ARHGAP42: variants seen among roughly 807,000 people sequenced by gnomAD.
The protein encoded by ARHGAP42 is rho GTPase-activating protein 42.
Under a neutral mutation model 125.0 loss-of-function variants are expected in ARHGAP42, and 63 were observed. That is an observed-to-expected ratio of 0.50 (90% CI 0.41 to 0.62). The LOEUF (loss-of-function observed/expected upper bound fraction) is 0.62. Among genes scored for constraint, ARHGAP42 ranks in the 20% least tolerant of loss-of-function variants. The pLI is 0.00. For missense variants in ARHGAP42, 766 were observed against 1,024.2 expected (o/e 0.75, Z 3.44); for synonymous variants, 339 against 351.0 (o/e 0.97, Z 0.38).
intron 2 of ARHGAP42, among the ~76,000 whole-genome samples, chr11:100,783,395 C>T (rs1288873851): frequency 6.6e-6 from 1 of 152,200 alleles, no homozygotes; most frequent in East Asian, 1.9e-4. Context: ...GAGATCACAC[C>T]ACTGCACTCT....
intron 4 of ARHGAP42, among the ~76,000 whole-genome samples, chr11:100,866,062 T>C (rs537506463): frequency 2.6e-5 from 4 of 152,388 alleles, no homozygotes; most frequent in African/African-American, 7.2e-5. Flanking sequence ...TGCTTCTGCC[T>C]TATCACGTAA....
At chr11:100,837,268 A>T (rs1864810551) in intron 3 of ARHGAP42, among the ~76,000 whole-genome samples, 1 of 152,154 alleles carries the variant, frequency 6.6e-6, no homozygotes, top group Non-Finnish European at 1.5e-5. Context: ...CCAAATTAGG[A>T]AGTTTAACAC....
intron 1 of ARHGAP42, among the ~76,000 whole-genome samples, chr11:100,688,833 C>T (rs1011373046): frequency 3.9e-5 from 6 of 152,030 alleles, no homozygotes; most frequent in Non-Finnish European, 8.8e-5. Context: ...GAAATGAAGC[C>T]GTGGAATCTC....
intron 5 of ARHGAP42, among the ~76,000 whole-genome samples, chr11:100,921,224 TATATATATATATATATATA>T (rs1867242618): frequency 1.1e-3 from 96 of 83,618 alleles, no homozygotes; most frequent in African/African-American, 4.4e-3. Flanking sequence ...CATATATATA[TATATATATATATATATATA>T]TATTTTTTTT....
At chr11:100,934,023 G>A (rs1867658901) in intron 7 of ARHGAP42, among the ~76,000 whole-genome samples, 1 of 152,100 alleles carries the variant, frequency 6.6e-6, no homozygotes, top group African/African-American at 2.4e-5. Flanking sequence ...CCGACCTCAG[G>A]TGATCCACCC....
At chr11:100,960,611 T>C (rs568323285) in intron 13 of ARHGAP42, among the ~76,000 whole-genome samples, 1 of 152,200 alleles carries the variant, frequency 6.6e-6, no homozygotes, top group African/African-American at 2.4e-5. Flanking sequence ...TCTGAAGAAA[T>C]AGAATATGAG....
intron 2 of ARHGAP42, among the ~76,000 whole-genome samples, chr11:100,777,414 A>C (rs930812311): frequency 6.6e-6 from 1 of 152,198 alleles, no homozygotes; most frequent in African/African-American, 2.4e-5. Context: ...AATTTTTTCA[A>C]GGGAGTGGTT....
chr11:100,920,464 A>G (rs1867207074), intron 5 of ARHGAP42, among the ~76,000 whole-genome samples: 1 of 152,080 alleles, frequency 6.6e-6, no homozygotes, highest in Admixed American at 6.6e-5. Context: ...CACCATTATA[A>G]ATGGCTTCAA....
intron 1 of ARHGAP42, among the ~76,000 whole-genome samples, chr11:100,719,146 A>T (rs1294630446): frequency 6.6e-6 from 1 of 152,224 alleles, no homozygotes; most frequent in Non-Finnish European, 1.5e-5. Flanking sequence ...AGATAAATTT[A>T]AAAATGTCAG....
At chr11:100,805,964 A>G (rs969312063) in intron 3 of ARHGAP42, among the ~76,000 whole-genome samples, 1 of 151,820 alleles carries the variant, frequency 6.6e-6, no homozygotes, top group Admixed American at 6.6e-5. Flanking sequence ...GCCAACCTTC[A>G]CTCCTCATCC....
chr11:100,988,631 A>G, intron 23 of ARHGAP42, 82 bp from the exon 24 acceptor site: 2 of 1,136,288 alleles, frequency 1.8e-6, no homozygotes, highest in Non-Finnish European at 2.5e-6. Flanking sequence ...TGACAATCCG[A>G]TGTGGGTGTT....
intron 1 of ARHGAP42, among the ~76,000 whole-genome samples, chr11:100,712,299 A>T (rs1207763143): frequency 6.6e-6 from 1 of 152,214 alleles, no homozygotes; most frequent in African/African-American, 2.4e-5. Context: ...ATTAGAAATG[A>T]CTTAAGTGAT....
intron 5 of ARHGAP42, among the ~76,000 whole-genome samples, chr11:100,914,225 G>A (rs1440397761): frequency 6.6e-6 from 1 of 152,070 alleles, no homozygotes; most frequent in Non-Finnish European, 1.5e-5. Context: ...ATGAACCACT[G>A]TGCCCCACCG....
At chr11:100,793,961 T>C (rs942884249) in intron 2 of ARHGAP42, among the ~76,000 whole-genome samples, 1 of 151,448 alleles carries the variant, frequency 6.6e-6, no homozygotes, top group Non-Finnish European at 1.5e-5. Context: ...TACACGCCTG[T>C]AGTCTTAGGT....
chr11:100,882,935 A>G (rs1865995692), intron 4 of ARHGAP42, among the ~76,000 whole-genome samples: 1 of 152,068 alleles, frequency 6.6e-6, no homozygotes. Flanking sequence ...TATTTCTGTC[A>G]TGTCTGTCAA....
intron 6 of ARHGAP42, among the ~76,000 whole-genome samples, chr11:100,928,869 G>A (rs546156707): frequency 2.0e-4 from 30 of 152,138 alleles, no homozygotes; most frequent in Admixed American, 3.9e-4. Context: ...TGTGTAATAC[G>A]TGGCCCCTTT....
At chr11:100,819,863 G>A (rs2135074185) in intron 3 of ARHGAP42, among the ~76,000 whole-genome samples, 1 of 152,236 alleles carries the variant, frequency 6.6e-6, no homozygotes, top group South Asian at 2.1e-4. Flanking sequence ...TTTCCTCCCT[G>A]ATATTTAGGA....
intron 2 of ARHGAP42, among the ~76,000 whole-genome samples, chr11:100,785,022 C>T (rs1464018071): frequency 6.6e-6 from 1 of 152,088 alleles, no homozygotes; most frequent in Non-Finnish European, 1.5e-5. Flanking sequence ...TTTTTCTGTT[C>T]CTTGGACCTC....
chr11:100,876,909 C>A (rs1173024243), intron 4 of ARHGAP42, among the ~76,000 whole-genome samples: 1 of 152,142 alleles, frequency 6.6e-6, no homozygotes, highest in Non-Finnish European at 1.5e-5. Context: ...AGAGACCATG[C>A]AACCCACGTT....
Sources: allele counts gnomAD v4.1 joint callset (sites outside exome capture counted in the v4.1 genomes callset), GRCh38; gene constraint gnomAD v4.1.1; transcripts MANE v1.5; gene names NCBI Gene and HGNC (gene_info 2026-07-23, HGNC 2026-07-21).